LY86: variants seen among roughly 807,000 people sequenced by gnomAD.
The protein encoded by LY86 is MD-1, RP105-associated.
Under a neutral mutation model 17.3 loss-of-function variants are expected in LY86, and 20 were observed. That is an observed-to-expected ratio of 1.15 (90% CI 0.81 to 1.68). The LOEUF is 1.68. Among genes scored for constraint, LY86 ranks in the 40% most tolerant of loss-of-function variants. The probability of loss-of-function intolerance (pLI) is 0.00; values close to 1 mark genes in which losing one functional copy is unlikely to be tolerated. For synonymous variants in LY86, 74 were observed against 70.6 expected (o/e 1.05, Z -0.24); for missense variants, 200 against 191.9 (o/e 1.04, Z -0.25).
intron 1 of LY86, among the ~76,000 whole-genome samples, chr6:6,605,166 G>GTAATGATGA (rs1355937937): frequency 6.6e-6 from 1 of 152,228 alleles, no homozygotes; most frequent in South Asian, 2.1e-4. Context: ...ATCAATGAAT[G>GTAATGATGA]TAATGATGAT....
intron 1 of LY86, among the ~76,000 whole-genome samples, chr6:6,617,326 G>A (rs959586442): frequency 6.6e-6 from 1 of 152,220 alleles, no homozygotes. Context: ...TTGTAAGAAA[G>A]AAGAGTGACA....
chr6:6,650,339 GGT>G (rs1561794055), intron 4 of LY86, among the ~76,000 whole-genome samples: 4 of 148,032 alleles, frequency 2.7e-5, no homozygotes, highest in Admixed American at 6.8e-5. Context: ...CTCAGATAAT[GGT>G]TTTTTTTTTT....
chr6:6,629,220 T>G (rs114859982), intron 3 of LY86, among the ~76,000 whole-genome samples: 3 of 152,202 alleles, frequency 2.0e-5, no homozygotes, highest in Non-Finnish European at 4.4e-5. Flanking sequence ...AAATATCATA[T>G]AGTGTAAAAT....
At chr6:6,642,318 T>C (rs1267378674) in intron 3 of LY86, among the ~76,000 whole-genome samples, 3 of 152,240 alleles carry the variant, frequency 2.0e-5, no homozygotes, top group African/African-American at 7.2e-5. Context: ...CAGCCAAGCC[T>C]GCAGCACTGA....
intron 1 of LY86, among the ~76,000 whole-genome samples, chr6:6,603,603 C>CAACAAAAAAAAAAAAAAAAAAAA (rs1207511602): frequency 2.8e-5 from 2 of 70,462 alleles, no homozygotes; most frequent in Non-Finnish European, 6.4e-5. Flanking sequence ...AAAACAGAAA[C>CAACAAAAAAAAAAAAAAAAAAAA]AGAAAAAAAA....
intron 1 of LY86, among the ~76,000 whole-genome samples, chr6:6,595,381 GGAGAA>G (rs1760676630): frequency 3.7e-5 from 3 of 80,726 alleles, no homozygotes; most frequent in East Asian, 4.4e-4. Flanking sequence ...AGAAGAGAGG[GGAGAA>G]GAGAAGGAGG....
rs145548887 is a variant in LY86 at position 6,612,000 on chromosome 6, A to ACACTATGAGCACTGAG, written c.137-12918_137-12917insGCACTGAGCACTATGA. On this transcript the variant is annotated intron_variant, in intron 1 of 4. Transcript: ENST00000230568. ...ATCTACCCCCTTAACTGAGTACTGAACACTATGAAAATAATCTTTGTGGTC... is the reference window on the plus strand; with the variant it reads ...ATCTACCCCCTTAACTGAGTACTGAACACTATGAGCACTGAGCACTATGAAAATAATCTTTGTGGTC... Among the ~76,000 whole-genome samples, 4 of 151,820 alleles carry ACACTATGAGCACTGAG rather than the reference A, an allele frequency of 2.6e-5. No homozygotes were observed. In the East Asian group the frequency reaches 7.8e-4, roughly 30 times the overall value.
rs1288412773 is a variant in LY86 at position 6,600,608 on chromosome 6, A to G, written c.136+11738A>G. ...CCATCAAAAAAAAAAAAAAAAAAAA[A>G]AAAAAAAAAAAAAAAAAAAAGAAAA... On this transcript the variant is annotated intron_variant, in intron 1 of 4. Coordinates refer to ENST00000230568, the MANE Select transcript of LY86 (RefSeq NM_004271.4). Among the ~76,000 whole-genome samples the G allele has an allele frequency of 5.6e-5, 8 of 142,564 alleles. No homozygotes were observed. In the East Asian group the frequency reaches 9.0e-4, roughly 16 times the overall value. 93.5% of individuals were successfully genotyped at this position (142,564 alleles called of 152,430 possible).
chr6:6,630,511 C>CA (rs1761882741), intron 3 of LY86, among the ~76,000 whole-genome samples: 1 of 152,224 alleles, frequency 6.6e-6, no homozygotes, highest in Non-Finnish European at 1.5e-5. Context: ...GCCATGCTTT[C>CA]AAACAGGTTC....
chr6:6,618,987 GAAGA>G (rs1761615789), intron 1 of LY86, among the ~76,000 whole-genome samples: 1 of 152,224 alleles, frequency 6.6e-6, no homozygotes, highest in Non-Finnish European at 1.5e-5. Flanking sequence ...GGACAGAAAA[GAAGA>G]AAGTTAATTT....
intron 1 of LY86, among the ~76,000 whole-genome samples, chr6:6,606,063 C>T (rs112266968): frequency 1.3e-5 from 2 of 152,288 alleles, no homozygotes; most frequent in South Asian, 2.1e-4. Flanking sequence ...GCTGCTAGCG[C>T]GGGCAGCCTG....
intron 1 of LY86, among the ~76,000 whole-genome samples, chr6:6,603,053 C>T (rs1760962523): frequency 6.6e-6 from 1 of 152,068 alleles, no homozygotes; most frequent in Admixed American, 6.5e-5. Flanking sequence ...CTAGGGAGCG[C>T]TCACTCTCTG....
chr6:6,635,823 T>A (rs1761951462), intron 3 of LY86, among the ~76,000 whole-genome samples: 1 of 152,210 alleles, frequency 6.6e-6, no homozygotes, highest in Non-Finnish European at 1.5e-5. Context: ...AGTGCTAGCT[T>A]TCTGTGACCT....
chr6:6,653,964 C>T (rs1404061649), intron 4 of LY86, among the ~76,000 whole-genome samples: 2 of 152,216 alleles, frequency 1.3e-5, no homozygotes, highest in East Asian at 1.9e-4. Context: ...ATCTTACCGA[C>T]ACAGGCGCCA....
chr6:6,601,360 G>C (rs888359428), intron 1 of LY86, among the ~76,000 whole-genome samples: 5 of 145,584 alleles, frequency 3.4e-5, no homozygotes, highest in Non-Finnish European at 6.1e-5. Context: ...GTCAAACATG[G>C]AAATATCTTC....
At chr6:6,633,939 G>T (rs1342710641) in intron 3 of LY86, among the ~76,000 whole-genome samples, 1 of 152,154 alleles carries the variant, frequency 6.6e-6, no homozygotes, top group Non-Finnish European at 1.5e-5. Flanking sequence ...ATATGATTAT[G>T]AATTAGAGTA....
At chr6:6,592,793 G>C (rs1200842628) in intron 1 of LY86, among the ~76,000 whole-genome samples, 4 of 152,132 alleles carry the variant, frequency 2.6e-5, no homozygotes, top group African/African-American at 7.2e-5. Context: ...GCTGGCTCCC[G>C]GATCTCAGAT....
chr6:6,613,129 G>A (rs1471080344), intron 1 of LY86, among the ~76,000 whole-genome samples: 3 of 152,258 alleles, frequency 2.0e-5, no homozygotes, highest in African/African-American at 4.8e-5. Context: ...TAGACACAGG[G>A]GGCTGATTGG....
intron 3 of LY86, among the ~76,000 whole-genome samples, chr6:6,630,709 G>A (rs543652610): frequency 5.3e-5 from 8 of 152,272 alleles, no homozygotes; most frequent in Admixed American, 2.0e-4. Flanking sequence ...CAAGCGCGCC[G>A]TTACCCCAGT....
Sources: allele counts gnomAD v4.1 joint callset (sites outside exome capture counted in the v4.1 genomes callset), GRCh38; gene constraint gnomAD v4.1.1; transcripts MANE v1.5; gene names NCBI Gene and HGNC (gene_info 2026-07-23, HGNC 2026-07-21).